Variants in BMPR1A observed in about 807,000 individuals in gnomAD.
The protein encoded by BMPR1A is bone morphogenetic protein receptor type-1A.
BMPR1A carries 7 observed loss-of-function variants against 66.0 expected under a neutral mutation model. That is an observed-to-expected ratio of 0.11 (90% CI 0.06 to 0.20). The LOEUF (loss-of-function observed/expected upper bound fraction) is 0.20. BMPR1A is among the 10% of genes least tolerant of loss of function. BMPR1A has a pLI of 1.00. For synonymous variants in BMPR1A, 200 were observed against 229.7 expected, an observed-to-expected ratio of 0.87 and a Z score of 1.17; for missense variants, 408 against 669.1, an observed-to-expected ratio of 0.61 and a Z score of 4.31.
At chr10:86,864,156 T>C (rs1439847977) in intron 2 of BMPR1A, among the ~76,000 whole-genome samples, 1 of 152,212 alleles carries the variant, frequency 6.6e-6, no homozygotes, top group Non-Finnish European at 1.5e-5. Context: ...ACAAGGTCTC[T>C]TCTTCCTCTG....
chr10:86,919,562 G>T, intron 10 of BMPR1A, 93 bp downstream of exon 10: 2 of 1,509,380 alleles, frequency 1.3e-6, no homozygotes, highest in Non-Finnish European at 1.8e-6. Context: ...TTCTAAAAAT[G>T]TGCATATGCT....
intron 7 of BMPR1A, among the ~76,000 whole-genome samples, chr10:86,910,137 A>C (rs1195175804): frequency 6.6e-6 from 1 of 152,118 alleles, no homozygotes; most frequent in Non-Finnish European, 1.5e-5. Flanking sequence ...GTTCAAGACC[A>C]GCCTGGCCAA....
intron 1 of BMPR1A, among the ~76,000 whole-genome samples, chr10:86,821,416 T>C (rs2133008799): frequency 6.6e-6 from 1 of 152,350 alleles, no homozygotes; most frequent in East Asian, 1.9e-4. Flanking sequence ...TGTTTTTGCT[T>C]GTTCTGCCGT....
intron 1 of BMPR1A, among the ~76,000 whole-genome samples, chr10:86,837,540 A>G (rs1842370756): frequency 6.6e-6 from 1 of 152,190 alleles, no homozygotes; most frequent in African/African-American, 2.4e-5. Context: ...TCTTTATGCC[A>G]TTTCTAAAAT....
At chr10:86,833,415 A>T (rs1025616935) in intron 1 of BMPR1A, among the ~76,000 whole-genome samples, 1 of 152,214 alleles carries the variant, frequency 6.6e-6, no homozygotes, top group Non-Finnish European at 1.5e-5. Context: ...ACGTCAGACA[A>T]TATGTGTAGA....
At chr10:86,772,620 G>T (rs182981081) in intron 1 of BMPR1A, among the ~76,000 whole-genome samples, 95 of 152,220 alleles carry the variant, frequency 6.2e-4, no homozygotes, top group Admixed American at 9.8e-4. Context: ...CATCTGTGGG[G>T]CAGTTTTTGG....
At chr10:86,814,366 A>G (rs1287239094) in intron 1 of BMPR1A, among the ~76,000 whole-genome samples, 1 of 152,076 alleles carries the variant, frequency 6.6e-6, no homozygotes, top group African/African-American at 2.4e-5. Context: ...TGCTTTCTCC[A>G]GGGATTCCTG....
chr10:86,861,083 C>T (rs1366946532), intron 2 of BMPR1A, among the ~76,000 whole-genome samples: 2 of 152,036 alleles, frequency 1.3e-5, no homozygotes, highest in African/African-American at 2.4e-5. Flanking sequence ...CCTTGTGATC[C>T]GCCATCCTTG....
intron 3 of BMPR1A, among the ~76,000 whole-genome samples, chr10:86,881,535 A>T (rs1842985132): frequency 6.6e-6 from 1 of 152,334 alleles, no homozygotes; most frequent in Non-Finnish European, 1.5e-5. Flanking sequence ...CCTGCCCACA[A>T]CATACAGAGC....
rs1304241848 is a variant in BMPR1A at position 86,794,856 on chromosome 10, T to C, written c.-268+37937T>C. Reference sequence around the variant, plus strand: ...TATAGATATATAGATATAGATATAGTTTTTTTTTTTTAGATAGAGAGTTTC... The same window carrying C: ...TATAGATATATAGATATAGATATAGCTTTTTTTTTTTAGATAGAGAGTTTC... On this transcript the variant is annotated intron_variant, in intron 1 of 12. Transcript: ENST00000372037. Among the ~76,000 whole-genome samples the C allele has an allele frequency of 2.4e-5, 3 of 123,426 alleles. No individual in the cohort carries two copies. The East Asian group carries it at 6.3e-4, about 26-fold the overall frequency. 81.0% of individuals were successfully genotyped at this position (123,426 alleles called of 152,430 possible). A position where few individuals can be genotyped will look rare whatever the true frequency, so the allele number is the denominator to read the frequency against.
chr10:86,785,825 C>CTT (rs1841506599), intron 1 of BMPR1A, among the ~76,000 whole-genome samples: 1 of 152,184 alleles, frequency 6.6e-6, no homozygotes, highest in Non-Finnish European at 1.5e-5. Flanking sequence ...ACCTTTACAG[C>CTT]TGCGCTTGGC....
intron 1 of BMPR1A, among the ~76,000 whole-genome samples, chr10:86,772,747 A>G (rs1457370296): frequency 6.6e-6 from 1 of 152,152 alleles, no homozygotes; most frequent in Non-Finnish European, 1.5e-5. Context: ...GTAATTGGTT[A>G]TGGCATGTAG....
At chr10:86,889,960 A>T in intron 3 of BMPR1A, 102 bp from the exon 4 acceptor site, 1 of 1,240,170 alleles carries the variant, frequency 8.1e-7, no homozygotes, top group Non-Finnish European at 1.2e-6. Context: ...AGCTACAATT[A>T]TTGTGATAAG....
chr10:86,760,195 T>G (rs1325761658), intron 1 of BMPR1A, among the ~76,000 whole-genome samples: 5 of 148,668 alleles, frequency 3.4e-5, no homozygotes, highest in South Asian at 2.1e-4. Flanking sequence ...CCTGTTTTTT[T>G]TTTTTTTTTT....
intron 3 of BMPR1A, 95 bp from the exon 4 acceptor site, chr10:86,889,967 T>C: frequency 7.5e-7 from 1 of 1,329,800 alleles, no homozygotes; most frequent in Non-Finnish European, 1.1e-6. Flanking sequence ...ATTATTGTGA[T>C]AAGAAAGCTT....
At chr10:86,799,506 CTTTCTTTTCT>C (rs145820527) in intron 1 of BMPR1A, among the ~76,000 whole-genome samples, 41 of 64,538 alleles carry the variant, frequency 6.4e-4, no homozygotes, top group Non-Finnish European at 1.2e-3. Context: ...TCCTTCCTTC[CTTTCTTTTCT>C]TTTCTTTTCT....
chr10:86,772,110 C>T (rs527391539), intron 1 of BMPR1A, among the ~76,000 whole-genome samples: 1 of 141,922 alleles, frequency 7.0e-6, no homozygotes. Context: ...GTTTAATTGG[C>T]GATGGTCAGA....
At chr10:86,882,913 C>A (rs2133358116) in intron 3 of BMPR1A, among the ~76,000 whole-genome samples, 1 of 151,836 alleles carries the variant, frequency 6.6e-6, no homozygotes, top group African/African-American at 2.4e-5. Context: ...TTGCCGTGAG[C>A]TGTCATGCCA....
rs1233093149 is a variant in BMPR1A, at chr10:86,915,263, T to C, written c.676-1871T>C. 2.0e-5 allele frequency among the ~76,000 whole-genome samples: 3 copies of C among 151,946 alleles called. No homozygotes were observed. The East Asian group carries it at 5.9e-4, about 30-fold the overall frequency. ...CCAGGCTGGTCTTGAACTCCTGACC[T>C]CAGGTGATCCACCCGCCTCGGCCTC... On this transcript the variant is annotated intron_variant, in intron 8 of 12. Coordinates refer to ENST00000372037, the MANE Select transcript of BMPR1A (RefSeq NM_004329.3).
Sources: gnomAD v4.1 joint callset for allele counts (sites outside exome capture counted in the v4.1 genomes callset) on GRCh38, gnomAD v4.1.1 for gene constraint, MANE v1.5 for transcripts, NCBI Gene and HGNC (gene_info 2026-07-23, HGNC 2026-07-21) for gene names.